Variants in ACAP2 observed in about 807,000 individuals in gnomAD.
ACAP2 encodes the protein ArfGAP with coiled-coil, ankyrin repeat and PH domains 2.
ACAP2 carries 39 observed loss-of-function variants against 115.8 expected under a neutral mutation model. The ratio of observed to expected loss-of-function variants is 0.34; its 90% CI spans 0.26 to 0.44. ACAP2 has a LOEUF of 0.44. ACAP2 is among the 20% of genes least tolerant of loss of function. ACAP2 has a pLI of 1.00. For synonymous variants in ACAP2, 289 were observed against 315.8 expected, an observed-to-expected ratio of 0.92 and a Z score of 0.90; for missense variants, 662 against 927.6, an observed-to-expected ratio of 0.71 and a Z score of 3.72.
At chr3:195,357,430 T>TA (rs1732049761) in intron 4 of ACAP2, among the ~76,000 whole-genome samples, 1 of 152,146 alleles carries the variant, frequency 6.6e-6, no homozygotes, top group Non-Finnish European at 1.5e-5. Context: ...CAAGAATGAC[T>TA]AGCTTCAGCC....
intron 4 of ACAP2, among the ~76,000 whole-genome samples, chr3:195,366,661 C>A (rs1732743983): frequency 6.6e-6 from 1 of 152,142 alleles, no homozygotes; most frequent in Non-Finnish European, 1.5e-5. Flanking sequence ...ACATGGGGAG[C>A]CTTAAAAATT....
At chr3:195,314,057 A>G (rs1728927573) in intron 10 of ACAP2, among the ~76,000 whole-genome samples, 1 of 152,164 alleles carries the variant, frequency 6.6e-6, no homozygotes, top group Non-Finnish European at 1.5e-5. Context: ...ATCATACAAA[A>G]TATTATCTAT....
chr3:195,367,006 A>G (rs1370702550), intron 4 of ACAP2, among the ~76,000 whole-genome samples: 2 of 145,768 alleles, frequency 1.4e-5, no homozygotes, highest in African/African-American at 5.1e-5. Flanking sequence ...GAAACAGAAG[A>G]GCATAGCTGT....
intron 1 of ACAP2, among the ~76,000 whole-genome samples, chr3:195,401,978 A>C (rs1712344494): frequency 6.6e-6 from 1 of 152,320 alleles, no homozygotes; most frequent in Admixed American, 6.5e-5. Flanking sequence ...CTGGGATGGT[A>C]AACTTCGAAC....
At chr3:195,343,118 T>G (rs1415779909) in intron 5 of ACAP2, among the ~76,000 whole-genome samples, 2 of 152,254 alleles carry the variant, frequency 1.3e-5, no homozygotes, top group Admixed American at 1.3e-4. Context: ...GTTTCTCAAT[T>G]TTGTATAAAT....
chr3:195,342,973 T>C (rs7635906), intron 5 of ACAP2, among the ~76,000 whole-genome samples: 43,000 of 150,148 alleles, frequency 0.29, 7,048 homozygotes, highest in East Asian at 0.72. Context: ...TCCAGCCTGG[T>C]GACAGAGCAA....
intron 4 of ACAP2, among the ~76,000 whole-genome samples, chr3:195,359,625 G>A (rs1239812956): frequency 4.6e-5 from 7 of 152,036 alleles, no homozygotes; most frequent in African/African-American, 1.4e-4. Flanking sequence ...CCGCCACCAC[G>A]CCCGGCTAAT....
chr3:195,395,272 T>C (rs1711654777), intron 1 of ACAP2, among the ~76,000 whole-genome samples: 1 of 152,062 alleles, frequency 6.6e-6, no homozygotes, highest in African/African-American at 2.4e-5. Flanking sequence ...TCAAGTTATA[T>C]ACACATTAAT....
intron 20 of ACAP2, among the ~76,000 whole-genome samples, chr3:195,289,461 T>G (rs562286542): frequency 6.6e-6 from 1 of 152,090 alleles, no homozygotes; most frequent in East Asian, 1.9e-4. Flanking sequence ...TGGTGCTATA[T>G]AGATAGCATG....
intron 1 of ACAP2, among the ~76,000 whole-genome samples, chr3:195,408,507 T>C (rs1027159276): frequency 3.3e-4 from 50 of 152,116 alleles, no homozygotes; most frequent in African/African-American, 1.2e-3. Flanking sequence ...ATGGCTTCAC[T>C]GGCAAATTCT....
intron 10 of ACAP2, among the ~76,000 whole-genome samples, chr3:195,313,329 A>T (rs1246692314): frequency 2.0e-5 from 3 of 152,232 alleles, no homozygotes; most frequent in African/African-American, 7.2e-5. Flanking sequence ...TAAAATATAG[A>T]TAGCACCTCG....
intron 1 of ACAP2, among the ~76,000 whole-genome samples, chr3:195,418,165 T>C (rs1713895244): frequency 6.6e-6 from 1 of 152,196 alleles, no homozygotes; most frequent in Non-Finnish European, 1.5e-5. Flanking sequence ...TTCACGTTGG[T>C]AATTCCAAAT....
At chr3:195,415,087 A>G (rs1357432006) in intron 1 of ACAP2, among the ~76,000 whole-genome samples, 2 of 152,150 alleles carry the variant, frequency 1.3e-5, no homozygotes, top group Non-Finnish European at 2.9e-5. Flanking sequence ...AACATCAAGA[A>G]TGAACGTTAA....
chr3:195,301,497 A>G, intron 15 of ACAP2, 78 bp downstream of exon 15: 1 of 1,120,590 alleles, frequency 8.9e-7, no homozygotes, highest in Middle Eastern at 2.7e-4. Flanking sequence ...AAGAACTCAC[A>G]CATTTGTAAA....
chr3:195,370,455 CA>C (rs1205922187), intron 4 of ACAP2, among the ~76,000 whole-genome samples: 4 of 152,178 alleles, frequency 2.6e-5, no homozygotes, highest in African/African-American at 9.7e-5. Flanking sequence ...CAATCTTCTG[CA>C]CACGGCTAGC....
At position 195,402,684 on chromosome 3, in the gene ACAP2, T is replaced by G. The variant is rs142904072; in HGVS notation, c.54-10537A>C. ...GAGCACAAAATTACATTATCATGAT[T>G]TCTTCAACACATACAATTTATGATC... is the stretch of plus-strand genomic sequence containing the variant. On this transcript the variant is annotated intron_variant, in intron 1 of 22. Coordinates refer to ENST00000326793, the MANE Select transcript of ACAP2 (RefSeq NM_012287.6). Among the ~76,000 whole-genome samples, 555 of 152,300 alleles carry G rather than the reference T, an allele frequency of 3.6e-3. 2 individuals carry two copies. Among genetic ancestry groups the G allele is most frequent in the African/African-American group, 0.013 (525 of 41,568 alleles).
intron 1 of ACAP2, among the ~76,000 whole-genome samples, chr3:195,438,210 T>C (rs2108876286): frequency 6.6e-6 from 1 of 151,734 alleles, no homozygotes; most frequent in South Asian, 2.1e-4. Context: ...GTATTTTTAG[T>C]AGAGATGGTG....
chr3:195,422,414 TC>T, intron 1 of ACAP2, among the ~76,000 whole-genome samples: 1 of 152,324 alleles, frequency 6.6e-6, no homozygotes, highest in African/African-American at 2.4e-5. Context: ...CACTTAGTTT[TC>T]CTCAAGGTTG....
chr3:195,423,826 T>A (rs1297747232), intron 1 of ACAP2, among the ~76,000 whole-genome samples: 2 of 151,998 alleles, frequency 1.3e-5, no homozygotes, highest in Non-Finnish European at 2.9e-5. Context: ...AAATTTTTTT[T>A]AAAACTTTAA....
Sources: allele counts gnomAD v4.1 joint callset (sites outside exome capture counted in the v4.1 genomes callset), GRCh38; gene constraint gnomAD v4.1.1; transcripts MANE v1.5; gene names NCBI Gene and HGNC (gene_info 2026-07-23, HGNC 2026-07-21).